CCDC38: variants seen among roughly 807,000 people sequenced by gnomAD.
CCDC38 encodes coiled-coil domain-containing protein 38.
CCDC38 carries 69 observed loss-of-function variants against 72.8 expected under a neutral mutation model. The ratio of observed to expected loss-of-function variants is 0.95; its 90% CI spans 0.78 to 1.16. The LOEUF is 1.16. CCDC38 is among the 50% of genes most tolerant of loss of function. The pLI is 0.00. For missense variants in CCDC38, 626 were observed against 638.9 expected, an observed-to-expected ratio of 0.98 and a Z score of 0.22; for synonymous variants, 201 against 213.2, an observed-to-expected ratio of 0.94 and a Z score of 0.50.
intron 2 of CCDC38, among the ~76,000 whole-genome samples, chr12:95,927,854 T>A (rs914749334): frequency 1.5e-4 from 23 of 149,302 alleles, no homozygotes; most frequent in Non-Finnish European, 3.1e-4. Context: ...TTTAAGAATG[T>A]TGAATATTGG....
chr12:95,894,492 G>A (rs935705797), intron 8 of CCDC38, among the ~76,000 whole-genome samples: 2 of 152,184 alleles, frequency 1.3e-5, no homozygotes, highest in African/African-American at 4.8e-5. Flanking sequence ...GGTCATGGGG[G>A]TAGACTCCTT....
At chr12:95,868,677 TTG>T (rs1194877658) in intron 15 of CCDC38, among the ~76,000 whole-genome samples, 2 of 152,168 alleles carry the variant, frequency 1.3e-5, no homozygotes. Context: ...AACCATGAAA[TTG>T]TCTTTCTGGA....
At chr12:95,893,454 C>T (rs1165873174) in intron 8 of CCDC38, among the ~76,000 whole-genome samples, 5 of 96,784 alleles carry the variant, frequency 5.2e-5, no homozygotes, top group Admixed American at 5.1e-4. Flanking sequence ...TTCCTTCCTT[C>T]TTTCCCTCTC....
At chr12:95,920,868 C>T (rs12811886) in intron 2 of CCDC38, among the ~76,000 whole-genome samples, 67,449 of 149,794 alleles carry the variant, frequency 0.45, 15,479 homozygotes, top group Admixed American at 0.55. Flanking sequence ...AGTGGTCACA[C>T]GTATAATCCC....
At chr12:95,903,486 C>A in intron 5 of CCDC38, 1 of 699,960 alleles carries the variant, frequency 1.4e-6, no homozygotes, top group Non-Finnish European at 2.6e-6. Flanking sequence ...GGAAAGCATT[C>A]AGTCTTTTAC....
intron 15 of CCDC38, 105 bp downstream of exon 15, chr12:95,869,375 A>G: frequency 2.5e-6 from 2 of 808,268 alleles, no homozygotes; most frequent in Non-Finnish European, 4.0e-6. Context: ...AAGAAAGATT[A>G]TCTTTCTGAA....
intron 4 of CCDC38, among the ~76,000 whole-genome samples, chr12:95,908,998 T>G (rs1254422055): frequency 6.6e-6 from 1 of 152,052 alleles, no homozygotes; most frequent in Admixed American, 6.6e-5. Context: ...ATAAAATCTC[T>G]TGATAAGAAT....
chr12:95,938,085 G>A (rs945518023), intron 1 of CCDC38, among the ~76,000 whole-genome samples: 6 of 152,076 alleles, frequency 3.9e-5, no homozygotes, highest in African/African-American at 1.4e-4. Context: ...TCTGATTTTA[G>A]TTCCAGTGGT....
At chr12:95,881,621 T>A (rs1235355751) in intron 10 of CCDC38, 67 bp from the exon 11 acceptor site, 3 of 1,313,728 alleles carry the variant, frequency 2.3e-6, no homozygotes, top group Non-Finnish European at 3.2e-6. Context: ...AGGTTTGCAT[T>A]CCTCTCTAAA....
chr12:95,882,923 C>T (rs750162692), intron 10 of CCDC38, among the ~76,000 whole-genome samples: 40 of 152,238 alleles, frequency 2.6e-4, no homozygotes, highest in Non-Finnish European at 5.1e-4. Context: ...CTTCTCTTCT[C>T]CTCAGGCAGG....
intron 4 of CCDC38, among the ~76,000 whole-genome samples, chr12:95,913,168 C>T (rs140578787): frequency 6.6e-6 from 1 of 152,300 alleles, no homozygotes; most frequent in Admixed American, 6.5e-5. Context: ...CCACATCTTC[C>T]TGGGTCACTT....
At chr12:95,916,358 AT>A (rs915462240) in intron 4 of CCDC38, among the ~76,000 whole-genome samples, 4 of 136,484 alleles carry the variant, frequency 2.9e-5, no homozygotes, top group Admixed American at 2.2e-4. Context: ...TCCAGAGAAA[AT>A]TTTTTTAAGT....
At chr12:95,880,238 T>G (rs1371611551) in intron 11 of CCDC38, among the ~76,000 whole-genome samples, 2 of 152,154 alleles carry the variant, frequency 1.3e-5, no homozygotes, top group Non-Finnish European at 2.9e-5. Context: ...ACTTGGGCAT[T>G]TGCACACCCA....
chr12:95,937,823 C>T (rs1561095), intron 1 of CCDC38, among the ~76,000 whole-genome samples: 66,340 of 152,016 alleles, frequency 0.44, 14,891 homozygotes, highest in Admixed American at 0.55. Context: ...ATGTGTCAGG[C>T]ACTGTTCTAC....
intron 4 of CCDC38, among the ~76,000 whole-genome samples, chr12:95,910,467 A>G (rs1245101312): frequency 6.6e-6 from 1 of 152,228 alleles, no homozygotes; most frequent in East Asian, 1.9e-4. Context: ...GGAACAATCA[A>G]TGTCATTAAA....
chr12:95,940,158 C>T (rs556390983), intron 1 of CCDC38, among the ~76,000 whole-genome samples: 5 of 152,254 alleles, frequency 3.3e-5, no homozygotes, highest in South Asian at 4.2e-4. Context: ...TGTCAACTGC[C>T]GCCATTTGAA....
chr12:95,911,790 T>C (rs577394632), intron 4 of CCDC38, among the ~76,000 whole-genome samples: 22 of 152,328 alleles, frequency 1.4e-4, no homozygotes, highest in African/African-American at 5.1e-4. Flanking sequence ...TTCAGCCCCA[T>C]GTGGAAAGCA....
At chr12:95,919,583 T>C in intron 2 of CCDC38, 1 of 456,074 alleles carries the variant, frequency 2.2e-6, no homozygotes, top group Non-Finnish European at 4.4e-6. Context: ...AAGTCACAGC[T>C]CCTCTGTCTG....
At chr12:95,942,130 C>T (rs1242814153) in intron 1 of CCDC38, among the ~76,000 whole-genome samples, 5 of 151,962 alleles carry the variant, frequency 3.3e-5, no homozygotes, top group Non-Finnish European at 7.4e-5. Flanking sequence ...ATTGTAAAGT[C>T]TTTACTGGGC....
Sources: allele counts gnomAD v4.1 joint callset (sites outside exome capture counted in the v4.1 genomes callset), GRCh38; gene constraint gnomAD v4.1.1; transcripts MANE v1.5; gene names NCBI Gene and HGNC (gene_info 2026-07-23, HGNC 2026-07-21).